Variants in FLRT2 observed in about 807,000 individuals in gnomAD.
The protein encoded by FLRT2 is leucine-rich repeat transmembrane protein FLRT2.
A neutral mutation model predicts 40.0 loss-of-function variants in FLRT2; 15 were observed. The ratio of observed to expected loss-of-function variants is 0.38; its 90% CI spans 0.25 to 0.58. The LOEUF is 0.58. Among genes scored for constraint, FLRT2 ranks in the 20% least tolerant of loss-of-function variants. FLRT2 has a pLI of 0.71. For synonymous variants in FLRT2, 380 were observed against 336.8 expected (o/e 1.13, Z -1.41); for missense variants, 726 against 840.0 (o/e 0.86, Z 1.68).
intron 1 of FLRT2, chr14:85,561,402 T>C (rs1890306852): frequency 1.3e-5 from 2 of 152,238 alleles, no homozygotes; most frequent in South Asian, 4.1e-4. Context: ...TCAGCCATTG[T>C]CAACATACTG....
Position 85,639,314 on chromosome 14 carries a change from T to C in FLRT2, c.*15817T>C, listed in dbSNP as rs1485242828. On this transcript the variant is annotated 3_prime_UTR_variant, in exon 2 of 2. Coordinates refer to ENST00000330753, the MANE Select transcript of FLRT2 (RefSeq NM_013231.6). ...GCCTTCTCGTTAAGTTGACAAAATC[T>C]TGACAGGAGTAAAAGATAATCGAAT... 2 of 152,186 alleles carry C rather than the reference T, an allele frequency of 1.3e-5. No homozygotes were observed. The highest frequency in any genetic ancestry group is 2.9e-5 in the Non-Finnish European group (2 of 68,030). The allele number at this position is 152,186 out of a possible 1,614,324, so 9.4% of individuals were successfully genotyped here. A position where few individuals can be genotyped will look rare whatever the true frequency, so the allele number is the denominator to read the frequency against.
chr14:85,605,706 G>C (rs1892576549), intron 1 of FLRT2, among the ~76,000 whole-genome samples: 1 of 152,072 alleles, frequency 6.6e-6, no homozygotes. Flanking sequence ...AGCTCGCAGT[G>C]AGCCAGGATC....
At chr14:85,531,962 G>A (rs1452286328) in intron 1 of FLRT2, among the ~76,000 whole-genome samples, 2 of 152,190 alleles carry the variant, frequency 1.3e-5, no homozygotes, top group South Asian at 2.1e-4. Flanking sequence ...AGGCAAATCG[G>A]GCGTTTCTCC....
At position 85,636,845 on chromosome 14, in the gene FLRT2, C is replaced by G. The variant is rs1321285870; in HGVS notation, c.*13348C>G. 4 of 139,936 alleles carry G rather than the reference C, an allele frequency of 2.9e-5. No homozygotes were observed. Among genetic ancestry groups the G allele is most frequent in the African/African-American group, 8.0e-5 (3 of 37,542 alleles). 8.7% of individuals were successfully genotyped at this position (139,936 alleles called of 1,614,324 possible). On this transcript the variant is annotated 3_prime_UTR_variant, in exon 2 of 2. Transcript: ENST00000330753. The stretch of plus-strand genomic sequence containing the variant: ...TTGGGAGGCTGAGGCAGCAGAATTG[C>G]TTGAACCTGGGAGGCGGAGGTTGCA...
intron 1 of FLRT2, among the ~76,000 whole-genome samples, chr14:85,572,292 C>T (rs1338554733): frequency 6.6e-6 from 1 of 152,092 alleles, no homozygotes; most frequent in East Asian, 1.9e-4. Flanking sequence ...CACGGTGGTT[C>T]CCTTTTTCTG....
chr14:85,541,746 A>G (rs939780799), intron 1 of FLRT2, among the ~76,000 whole-genome samples: 1 of 152,104 alleles, frequency 6.6e-6, no homozygotes, highest in Non-Finnish European at 1.5e-5. Context: ...ACTGGGTCCT[A>G]ACTTGGACTT....
rs17714100 is a variant in FLRT2 at position 85,622,909 on chromosome 14, C to A, written c.1395C>A (p.Ile465=). 47 of 1,614,012 alleles carry A rather than the reference C, an allele frequency of 2.9e-5. No homozygotes were observed. The African/African-American group carries it at 5.6e-4, about 19-fold the overall frequency. Residue 465 remains isoleucine (I), a synonymous_variant, in exon 2 of 2, where the codon ATC becomes ATA. Coordinates refer to ENST00000330753, the MANE Select transcript of FLRT2 (RefSeq NM_013231.6). ...TGGGCCACAGTTTAGTAGGGGGCAT[C>A]GTTCAGGAGCGCATAGTCAGCGGTG... ...VKMGHSLVGG[I]VQERIVSGEK... is the part of the protein sequence containing the mutation.
rs1434296099 is a variant in FLRT2 at position 85,568,028 on chromosome 14, G to C, written c.-377+37494G>C. Reference sequence around the variant, plus strand: ...CCGTCCTCTCAGCAGGTGAGTTACAGAAGGCCTGTAGAGTACCACAAGAAA... The same window carrying C: ...CCGTCCTCTCAGCAGGTGAGTTACACAAGGCCTGTAGAGTACCACAAGAAA... On this transcript the variant is annotated intron_variant, in intron 1 of 1. Coordinates refer to ENST00000330753, the MANE Select transcript of FLRT2 (RefSeq NM_013231.6). 3.3e-5 allele frequency among the ~76,000 whole-genome samples: 5 copies of C among 152,142 alleles called. No individual in the cohort carries two copies. In the East Asian group the frequency reaches 9.7e-4, roughly 29 times the overall value.
intron 1 of FLRT2, among the ~76,000 whole-genome samples, chr14:85,605,021 C>T (rs956112409): frequency 2.7e-4 from 41 of 152,160 alleles, no homozygotes; most frequent in African/African-American, 8.4e-4. Flanking sequence ...GGCCTAACTG[C>T]AGTGAACCTG....
rs936155685 is a variant in FLRT2, at chr14:85,623,123, A to T, written c.1609A>T (p.Met537Leu). ...SSHEQTTSHS[M>L]GSPFLLAGLI... is the part of the protein sequence containing the mutation. ...CCATGAGCAGACGACGTCCCACAGC[A>T]TGGGCTCCCCCTTTCTGCTGGCGGG... Residue 537 changes from methionine to leucine, a missense_variant, in exon 2 of 2, where the codon ATG becomes TTG. By Grantham distance (15) the Met-to-Leu change is conservative (BLOSUM62 2). This residue lies in a region of FLRT2 where 611 missense variants were observed against 690.0 expected (regional missense o/e 0.89). Coordinates refer to ENST00000330753, the MANE Select transcript of FLRT2 (RefSeq NM_013231.6). 1.2e-6 allele frequency: 2 copies of T among 1,609,732 alleles called. No homozygotes were observed. The highest frequency in any genetic ancestry group is 3.4e-5 in the Admixed American group (2 of 59,668).
At position 85,622,921 on chromosome 14, in the gene FLRT2, C is replaced by T; in HGVS notation, c.1407C>T (p.Arg469=). Reference sequence around the variant, plus strand: ...TAGTAGGGGGCATCGTTCAGGAGCGCATAGTCAGCGGTGAGAAGCAACACC... The same window carrying T: ...TAGTAGGGGGCATCGTTCAGGAGCGTATAGTCAGCGGTGAGAAGCAACACC... ...HSLVGGIVQE[R]IVSGEKQHLS... The change falls in exon 2 of 2, where the codon CGC becomes CGT. Residue 469 remains arginine (R), a synonymous_variant. Coordinates refer to ENST00000330753, the MANE Select transcript of FLRT2 (RefSeq NM_013231.6). 6.2e-7 allele frequency: 1 copy of T among 1,614,198 alleles called. No homozygotes were observed. The highest frequency in any genetic ancestry group is 1.6e-4 in the Middle Eastern group (1 of 6,062).
In FLRT2 at chr14:85,626,170, C is replaced by A. The variant is rs1003258148; in HGVS notation, c.*2673C>A. Reference sequence around the variant, plus strand: ...GCCTCACCTGCACCAGGATAGAAAGCACGTGATGGAATCTGTGATGTCTAA... The same window carrying A: ...GCCTCACCTGCACCAGGATAGAAAGAACGTGATGGAATCTGTGATGTCTAA... On this transcript the variant is annotated 3_prime_UTR_variant, in exon 2 of 2. Transcript: ENST00000330753. 6.0e-6 allele frequency: 1 copy of A among 167,084 alleles called. No homozygotes were observed. Among genetic ancestry groups the A allele is most frequent in the Non-Finnish European group, 1.5e-5 (1 of 68,128 alleles). The allele number at this position is 167,084 out of a possible 1,614,324, so 10.4% of individuals were successfully genotyped here.
At chr14:85,538,906 A>C (rs1424145710) in intron 1 of FLRT2, among the ~76,000 whole-genome samples, 1 of 152,114 alleles carries the variant, frequency 6.6e-6, no homozygotes, top group African/African-American at 2.4e-5. Flanking sequence ...CTAGCATCTA[A>C]ACAGCCTCTG....
chr14:85,595,929 G>T (rs1892120109), intron 1 of FLRT2, among the ~76,000 whole-genome samples: 1 of 152,172 alleles, frequency 6.6e-6, no homozygotes, highest in Admixed American at 6.5e-5. Flanking sequence ...AAGTGATCGT[G>T]TTTCTTTGTC....
chr14:85,531,583 C>T (rs1240761193), intron 1 of FLRT2, among the ~76,000 whole-genome samples: 4 of 152,112 alleles, frequency 2.6e-5, no homozygotes, highest in Non-Finnish European at 4.4e-5. Flanking sequence ...ACTCCTAGAG[C>T]GTGTGGTGCT....
Position 85,650,635 on chromosome 14 carries a change from C to T in FLRT2, c.*27138C>T, listed in dbSNP as rs756335960. On this transcript the variant is annotated 3_prime_UTR_variant, in exon 2 of 2. Transcript: ENST00000330753. ...ATGCTTGCCATTTCCTATTGCAAAA[C>T]ATTTAAGTATTTATGTTTGTGATAA... 1.3e-5 allele frequency: 2 copies of T among 151,968 alleles called. No homozygotes were observed. The highest frequency in any genetic ancestry group is 2.4e-5 in the African/African-American group (1 of 41,396). The allele number at this position is 151,968 out of a possible 1,614,324, so 9.4% of individuals were successfully genotyped here. A position where few individuals can be genotyped will look rare whatever the true frequency, so the allele number is the denominator to read the frequency against.
At chr14:85,544,781 C>T (rs770441658) in intron 1 of FLRT2, among the ~76,000 whole-genome samples, 9 of 152,138 alleles carry the variant, frequency 5.9e-5, no homozygotes, top group Admixed American at 3.3e-4. Context: ...TCAAACAATA[C>T]TTTGTTAAGT....
chr14:85,562,592 TCTC>T (rs1273039560), intron 1 of FLRT2: 1 of 148,906 alleles, frequency 6.7e-6, no homozygotes, highest in African/African-American at 2.5e-5. Context: ...GGTTCCCAAA[TCTC>T]CTCCTAACCC....
chr14:85,571,987 CTAT>C (rs1353938010), intron 1 of FLRT2, among the ~76,000 whole-genome samples: 1 of 152,136 alleles, frequency 6.6e-6, no homozygotes, highest in Non-Finnish European at 1.5e-5. Context: ...AGAACGATCA[CTAT>C]TATTATCTGA....
Sources: gnomAD v4.1 joint callset for allele counts (sites outside exome capture counted in the v4.1 genomes callset) on GRCh38, gnomAD v4.1.1 for gene constraint, gnomAD v4.1.1 regional missense constraint, MANE v1.5 for transcripts, NCBI Gene and HGNC (gene_info 2026-07-23, HGNC 2026-07-21) for gene names.